LRRC42: variants seen among roughly 807,000 people sequenced by gnomAD.
LRRC42 encodes leucine-rich repeat-containing protein 42.
A neutral mutation model predicts 44.3 loss-of-function variants in LRRC42; 43 were observed. The observed-to-expected ratio is 0.97, with a 90% CI of 0.76 to 1.25. The LOEUF (loss-of-function observed/expected upper bound fraction) is 1.25, where lower values mean the gene tolerates loss of function less well. Ranked by LOEUF, LRRC42 falls within the 50% of genes most tolerant of loss-of-function variation. The pLI is 0.00. For missense variants in LRRC42, 540 were observed against 509.1 expected (o/e 1.06, Z -0.58); for synonymous variants, 207 against 195.2 (o/e 1.06, Z -0.50).
chr1:53,958,445 G>GATT (rs1161420316), intron 4 of LRRC42, among the ~76,000 whole-genome samples, 165 bp downstream of exon 4: 1 of 152,166 alleles, frequency 6.6e-6, no homozygotes, highest in African/African-American at 2.4e-5. Context: ...AAGCAATATA[G>GATT]ATTAGACAAC....
rs747838150 is a variant in LRRC42, at chr1:53,967,777, G to A, written c.1125G>A (p.Gly375=). 12 of 1,614,044 alleles carry A rather than the reference G, an allele frequency of 7.4e-6. No individual in the cohort carries two copies. Among genetic ancestry groups the A allele is most frequent in the Non-Finnish European group, 1.0e-5 (12 of 1,180,034 alleles). The part of the protein sequence containing the change: ...FYKEKAPDCH[G]PVLKHEAISS... ...AAGAGAAAGCCCCAGATTGCCATGG[G>A]CCAGTGTTGAAACACGAAGCTATCT... Residue 375 remains glycine (G), a synonymous_variant, in exon 9 of 9, where the codon GGG becomes GGA. Transcript: ENST00000371370.
chr1:53,952,995 C>T (rs557149413), intron 3 of LRRC42, among the ~76,000 whole-genome samples: 22 of 152,320 alleles, frequency 1.4e-4, no homozygotes, highest in African/African-American at 5.1e-4. Flanking sequence ...TTGTGACTGC[C>T]TTTGCTCATA....
chr1:53,948,204 TGA>T (rs1654579509), intron 2 of LRRC42, among the ~76,000 whole-genome samples: 1 of 152,232 alleles, frequency 6.6e-6, no homozygotes, highest in Non-Finnish European at 1.5e-5. Flanking sequence ...CTTTATCTAC[TGA>T]AGTTAGATAT....
intron 7 of LRRC42, among the ~76,000 whole-genome samples, chr1:53,964,152 C>A (rs1655067365): frequency 6.6e-6 from 1 of 151,980 alleles, no homozygotes; most frequent in African/African-American, 2.4e-5. Context: ...CTGACAGTGT[C>A]CTCTTGAAGG....
At position 53,968,115 on chromosome 1, in the gene LRRC42, GT is replaced by G; in HGVS notation, c.*177del. 1 of 631,836 alleles carries G rather than the reference GT, an allele frequency of 1.6e-6. No individual in the cohort carries two copies. The allele number at this position is 631,836 out of a possible 1,614,324, so 39.1% of individuals were successfully genotyped here. On this transcript the variant is annotated 3_prime_UTR_variant, in exon 9 of 9. Coordinates refer to ENST00000371370, the MANE Select transcript of LRRC42 (RefSeq NM_001256409.2). Reference sequence around the variant, plus strand: ...ATGGAAGTATGTAATAATTTCTAATGTATATTTTCAATACATAGTAATTTTT... The same window carrying G: ...ATGGAAGTATGTAATAATTTCTAATGATATTTTCAATACATAGTAATTTTT...
chr1:53,965,967 AAAGTTTT>A (rs1655119593), intron 7 of LRRC42, among the ~76,000 whole-genome samples: 1 of 152,228 alleles, frequency 6.6e-6, no homozygotes, highest in Non-Finnish European at 1.5e-5. Flanking sequence ...TGTTATGACT[AAAGTTTT>A]AAGTTTTAGT....
chr1:53,967,965 C>A lies in LRRC42; in HGVS notation c.*26C>A. 1.3e-6 allele frequency: 2 copies of A among 1,599,492 alleles called. No individual in the cohort carries two copies. Among genetic ancestry groups the A allele is most frequent in the South Asian group, 1.1e-5 (1 of 89,628 alleles). On this transcript the variant is annotated 3_prime_UTR_variant, in exon 9 of 9. Transcript: ENST00000371370. The stretch of plus-strand genomic sequence containing the variant: ...TTAGTAGATACAAGTTGACCTTTCT[C>A]TGGCCCCCAGCTCTAGTGTTTGAGT...
chr1:53,948,353 T>C (rs1206548003), intron 2 of LRRC42, among the ~76,000 whole-genome samples: 1 of 152,188 alleles, frequency 6.6e-6, no homozygotes, highest in African/African-American at 2.4e-5. Flanking sequence ...TCTAAAAAAC[T>C]GTCATGTGTA....
At chr1:53,946,993 G>C (rs1654501898) in intron 1 of LRRC42, among the ~76,000 whole-genome samples, 1 of 151,866 alleles carries the variant, frequency 6.6e-6, no homozygotes, top group Admixed American at 6.6e-5. Context: ...GAAGGAAGAG[G>C]GTCTTGAAGA....
At position 53,952,469 on chromosome 1, in the gene LRRC42, A is replaced by G. The variant is rs1158790422; in HGVS notation, c.470A>G (p.Asn157Ser). ...GTGCTTTGCTCCCTGTGTTTGCGAA[A>G]CAGGTGGGTGTTCTGATTAGATTAT... ...SLVLCSLCLR[N>S]RYLVISEKLE... The change falls in exon 3 of 9, where the codon AAC becomes AGC. Residue 157 changes from asparagine (N) to serine (S), a missense_variant. By Grantham distance (46) the Asn-to-Ser change is conservative (BLOSUM62 1). Transcript: ENST00000371370. The G allele has an allele frequency of 1.9e-6, 3 of 1,591,448 alleles. No homozygotes were observed. Among genetic ancestry groups the G allele is most frequent in the Non-Finnish European group, 2.6e-6 (3 of 1,164,496 alleles).
intron 7 of LRRC42, among the ~76,000 whole-genome samples, chr1:53,964,163 A>G (rs1488998242): frequency 6.6e-6 from 1 of 151,850 alleles, no homozygotes; most frequent in Non-Finnish European, 1.5e-5. Flanking sequence ...CTCTTGAAGG[A>G]GATATTCTTC....
Position 53,953,612 on chromosome 1 carries a change from G to A in LRRC42, c.473+1140G>A, listed in dbSNP as rs550763951. Among the ~76,000 whole-genome samples the A allele has an allele frequency of 3.3e-5, 5 of 152,286 alleles. No homozygotes were observed. In the East Asian group the frequency reaches 9.7e-4, roughly 29 times the overall value. On this transcript the variant is annotated intron_variant, in intron 3 of 8. Coordinates refer to ENST00000371370, the MANE Select transcript of LRRC42 (RefSeq NM_001256409.2). ...CTGACCTCATGATCCTCCCGCCTCA[G>A]CCTCCTAAAGTGCTGGGATTACAGG... is the stretch of plus-strand genomic sequence containing the variant.
chr1:53,948,108 G>A (rs1422665512), intron 2 of LRRC42: 1 of 152,190 alleles, frequency 6.6e-6, no homozygotes, highest in Non-Finnish European at 1.5e-5. Flanking sequence ...ACTGGTAGGT[G>A]CTTAATAAAT....
chr1:53,957,797 C>T (rs752998918), intron 3 of LRRC42, among the ~76,000 whole-genome samples: 1 of 152,134 alleles, frequency 6.6e-6, no homozygotes, highest in Non-Finnish European at 1.5e-5. Context: ...ATTAAAAATT[C>T]GAGTATCCTA....
chr1:53,955,316 A>G (rs1336370683), intron 3 of LRRC42, among the ~76,000 whole-genome samples: 1 of 151,856 alleles, frequency 6.6e-6, no homozygotes, highest in Non-Finnish European at 1.5e-5. Context: ...TTTCTTTCTG[A>G]GACAAGGTTT....
At chr1:53,954,081 G>A (rs1191856767) in intron 3 of LRRC42, among the ~76,000 whole-genome samples, 2 of 152,118 alleles carry the variant, frequency 1.3e-5, no homozygotes, top group African/African-American at 4.8e-5. Flanking sequence ...TATAACAAGG[G>A]CTGAACAAAA....
At chr1:53,966,250 A>C (rs751457821) in intron 7 of LRRC42, 46 bp from the exon 8 acceptor site, 2 of 1,467,202 alleles carry the variant, frequency 1.4e-6, no homozygotes, top group East Asian at 4.6e-5. Context: ...TGAGATTAAA[A>C]TCTCAATATT....
At chr1:53,957,419 C>T (rs1654870560) in intron 3 of LRRC42, among the ~76,000 whole-genome samples, 3 of 152,194 alleles carry the variant, frequency 2.0e-5, no homozygotes, top group African/African-American at 7.2e-5. Flanking sequence ...AGGGTGGAGG[C>T]CCCAGCCTGG....
chr1:53,959,029 G>A (rs961164813), intron 4 of LRRC42, among the ~76,000 whole-genome samples: 5 of 152,010 alleles, frequency 3.3e-5, no homozygotes, highest in East Asian at 3.9e-4. Flanking sequence ...GATTATAGGC[G>A]CCCCCCACCA....
Sources: gnomAD v4.1 joint callset for allele counts (sites outside exome capture counted in the v4.1 genomes callset) on GRCh38, gnomAD v4.1.1 for gene constraint, MANE v1.5 for transcripts, NCBI Gene and HGNC (gene_info 2026-07-23, HGNC 2026-07-21) for gene names.